The following CLASRP variants were observed in gnomAD, a reference collection of about 807,000 sequenced individuals.
CLASRP encodes the protein CLK4-associating serine/arginine rich protein.
A neutral mutation model predicts 99.9 loss-of-function variants in CLASRP; 52 were observed. The observed-to-expected ratio is 0.52, with a 90% CI of 0.42 to 0.66. CLASRP has a LOEUF of 0.66. Ranked by LOEUF, CLASRP falls within the 30% of genes least tolerant of loss-of-function variation. The pLI, the probability that CLASRP is intolerant of heterozygous loss-of-function variation, is 0.00. For missense variants in CLASRP, 848 were observed against 999.2 expected (o/e 0.85, Z 2.04); for synonymous variants, 379 against 373.0 (o/e 1.02, Z -0.18).
At position 45,070,927 on chromosome 19, in the gene CLASRP, A is replaced by T. The variant is rs73051206; in HGVS notation, c.*82A>T. The T allele has an allele frequency of 3.7e-3, 3,294 of 885,324 alleles. 24 individuals carry two copies. Among genetic ancestry groups the T allele is most frequent in the Middle Eastern group, 0.035 (148 of 4,284 alleles). 54.8% of individuals were successfully genotyped at this position (885,324 alleles called of 1,614,324 possible). ...TGCTGCTGGTTTTATCTCTAGTGAA[A>T]TAAAGTCAAAAGTTATTTAATTCCC... On this transcript the variant is annotated 3_prime_UTR_variant, in exon 21 of 21. Coordinates refer to ENST00000221455, the MANE Select transcript of CLASRP (RefSeq NM_007056.3).
Position 45,070,933 on chromosome 19 carries a change from T to G in CLASRP, c.*88T>G. 1 of 844,308 alleles carries G rather than the reference T, an allele frequency of 1.2e-6. No individual in the cohort carries two copies. Among genetic ancestry groups the G allele is most frequent in the Non-Finnish European group, 1.9e-6 (1 of 529,120 alleles). The allele number at this position is 844,308 out of a possible 1,614,324, so 52.3% of individuals were successfully genotyped here. A position where few individuals can be genotyped will look rare whatever the true frequency, so the allele number is the denominator to read the frequency against. ...TGGTTTTATCTCTAGTGAAATAAAG[T>G]CAAAAGTTATTTAATTCCCGTCACC... On this transcript the variant is annotated 3_prime_UTR_variant, in exon 21 of 21. Coordinates refer to ENST00000221455, the MANE Select transcript of CLASRP (RefSeq NM_007056.3).
Position 45,067,203 on chromosome 19 carries a change from G to A in CLASRP, c.1410-134G>A, listed in dbSNP as rs1282078714. The A allele has an allele frequency of 6.7e-6, 7 of 1,041,928 alleles. No homozygotes were observed. In the East Asian group the frequency reaches 1.1e-4, roughly 16 times the overall value. 64.5% of individuals were successfully genotyped at this position (1,041,928 alleles called of 1,614,324 possible). ...CGCTCTGGGACATTTTGGAGGGAGAGTAGCAGGAGAGGAGAGTCGAGCCTG... is the reference window on the plus strand; with the variant it reads ...CGCTCTGGGACATTTTGGAGGGAGAATAGCAGGAGAGGAGAGTCGAGCCTG... On this transcript the variant is annotated intron_variant, in intron 13 of 20. Coordinates refer to ENST00000221455, the MANE Select transcript of CLASRP (RefSeq NM_007056.3). This position sits in a 1 kb window ranked among gnomAD's most constrained non-coding sequence, Gnocchi z 4.9.
At position 45,070,571 on chromosome 19, in the gene CLASRP, C is replaced by G. The variant is rs759644500; in HGVS notation, c.1982+10C>G. On this transcript the variant is annotated intron_variant, in intron 20 of 20. Coordinates refer to ENST00000221455, the MANE Select transcript of CLASRP (RefSeq NM_007056.3). ...ACAGCTCTTCTCGAAGGTAAGGAAGCCCATGACCCTCCACTTTCTTGGAAG... is the reference window on the plus strand; with the variant it reads ...ACAGCTCTTCTCGAAGGTAAGGAAGGCCATGACCCTCCACTTTCTTGGAAG... 6.2e-7 allele frequency: 1 copy of G among 1,611,890 alleles called. No individual in the cohort carries two copies.
intron 2 of CLASRP, chr19:45,040,552 G>A (rs1490150864): frequency 5.0e-6 from 2 of 396,152 alleles, no homozygotes; most frequent in Non-Finnish European, 4.8e-6. Flanking sequence ...GCAAGAAAAA[G>A]GGAAGTCTCT....
chr19:45,070,952 C>A lies in CLASRP; in HGVS notation c.*107C>A, dbSNP rs991634731. The A allele has an allele frequency of 2.7e-6, 2 of 732,676 alleles. No homozygotes were observed. The highest frequency in any genetic ancestry group is 2.7e-5 in the East Asian group (1 of 37,460). The allele number at this position is 732,676 out of a possible 1,614,324, so 45.4% of individuals were successfully genotyped here. A position where few individuals can be genotyped will look rare whatever the true frequency, so the allele number is the denominator to read the frequency against. On this transcript the variant is annotated 3_prime_UTR_variant, in exon 21 of 21. Transcript: ENST00000221455. ...ATAAAGTCAAAAGTTATTTAATTCCCGTCACCTGTCTCAGTGTCATCTGTG... is the reference window on the plus strand; with the variant it reads ...ATAAAGTCAAAAGTTATTTAATTCCAGTCACCTGTCTCAGTGTCATCTGTG...
Position 45,065,489 on chromosome 19 carries a change from A to G in CLASRP, c.1409+859A>G, listed in dbSNP as rs573102891. ...GGCACGAGAATCGTTTCAGCCCCGCAGGCGGAGGTTGCAGTGAGCCGAGAT... is the reference window on the plus strand; with the variant it reads ...GGCACGAGAATCGTTTCAGCCCCGCGGGCGGAGGTTGCAGTGAGCCGAGAT... On this transcript the variant is annotated intron_variant, in intron 13 of 20. Transcript: ENST00000221455. 2.0e-5 allele frequency among the ~76,000 whole-genome samples: 3 copies of G among 150,800 alleles called. No homozygotes were observed. The South Asian group carries it at 6.4e-4, about 32-fold the overall frequency.
At chr19:45,068,999 A>G in intron 16 of CLASRP, 67 bp from the exon 17 acceptor site, 5 of 1,441,904 alleles carry the variant, frequency 3.5e-6, no homozygotes, top group Admixed American at 2.0e-5. Context: ...CAAAAAAAAA[A>G]AAAAAGAAAA....
At chr19:45,070,695 C>T in intron 20 of CLASRP, 108 bp from the exon 21 acceptor site, 2 of 1,303,656 alleles carry the variant, frequency 1.5e-6, no homozygotes, top group Non-Finnish European at 2.2e-6. Context: ...CCTTGGGGAA[C>T]ATCCTTCCCT....
chr19:45,039,351 C>T (rs570876956), intron 1 of CLASRP, among the ~76,000 whole-genome samples: 9 of 150,652 alleles, frequency 6.0e-5, no homozygotes, highest in Non-Finnish European at 1.3e-4. Context: ...GCCCCGCCCC[C>T]TTGTCAAAAA....
At chr19:45,061,193 A>C (rs573435310) in intron 10 of CLASRP, among the ~76,000 whole-genome samples, 1 of 152,222 alleles carries the variant, frequency 6.6e-6, no homozygotes, top group Non-Finnish European at 1.5e-5. Flanking sequence ...TTTTTGCCAC[A>C]TCTCTTAAAG....
At chr19:45,058,484 CA>C (rs1972164116) in intron 7 of CLASRP, among the ~76,000 whole-genome samples, 1 of 152,112 alleles carries the variant, frequency 6.6e-6, no homozygotes, top group African/African-American at 2.4e-5. Context: ...CTCCTGGGTT[CA>C]AGTGATTCTC....
In CLASRP at chr19:45,060,548, C is replaced by T. The variant is rs1966916590; in HGVS notation, c.790-6C>T. On this transcript the variant is annotated splice_region_variant and splice_polypyrimidine_tract_variant and intron_variant, in intron 9 of 20. Coordinates refer to ENST00000221455, the MANE Select transcript of CLASRP (RefSeq NM_007056.3). This position sits in a 1 kb window ranked among gnomAD's most constrained non-coding sequence, Gnocchi z 4.6. ...CCTCACCAACCTGGCACCCACCCTA[C>T]TCCAGGGACGCCGCTCTCGACGCCA... 4.3e-6 allele frequency: 7 copies of T among 1,613,768 alleles called. No homozygotes were observed. Among genetic ancestry groups the T allele is most frequent in the Non-Finnish European group, 5.9e-6 (7 of 1,179,786 alleles).
Position 45,070,879 on chromosome 19 carries a change from T to C in CLASRP, c.*34T>C. 3.9e-6 allele frequency: 3 copies of C among 777,112 alleles called. No individual in the cohort carries two copies. Among genetic ancestry groups the C allele is most frequent in the Non-Finnish European group, 4.2e-6 (2 of 476,070 alleles). The allele number at this position is 777,112 out of a possible 1,614,324, so 48.1% of individuals were successfully genotyped here. On this transcript the variant is annotated 3_prime_UTR_variant, in exon 21 of 21. Transcript: ENST00000221455. The stretch of plus-strand genomic sequence containing the variant: ...GTGGGGGGTGGGGAGGACAAGGGGG[T>C]GGGTAAGGGGCTCAAGCTGTGATGC...
chr19:45,047,229 C>T (rs117106519), intron 2 of CLASRP, among the ~76,000 whole-genome samples: 2,510 of 152,076 alleles, frequency 0.017, 27 homozygotes, highest in Middle Eastern at 0.031. Flanking sequence ...GCTACAATAT[C>T]GATGAGCCCT....
chr19:45,059,727 C>CT (rs1966897595), intron 8 of CLASRP, among the ~76,000 whole-genome samples: 2 of 152,232 alleles, frequency 1.3e-5, no homozygotes, highest in African/African-American at 4.8e-5. Context: ...GCCACACCCC[C>CT]TGCTGAGCTC....
At position 45,056,512 on chromosome 19, in the gene CLASRP, C is replaced by T; in HGVS notation, c.442C>T (p.Pro148Ser). The change falls in exon 6 of 21, where the codon CCC becomes TCC. Residue 148 changes from proline to serine, a missense_variant. This residue lies in a region of CLASRP where 13 missense variants were observed against 41.2 expected (regional missense o/e 0.32). Transcript: ENST00000221455. ...IDELYGGLQR[P>S]SEDEKKKLAE... ...TGAGTTGTACGGAGGCCTCCAGAGA[C>T]CCAGCGAAGATGAGAAGAAGAAGTG... 6.2e-7 allele frequency: 1 copy of T among 1,613,876 alleles called. No individual in the cohort carries two copies. Among genetic ancestry groups the T allele is most frequent in the Non-Finnish European group, 8.5e-7 (1 of 1,179,960 alleles).
chr19:45,061,571 C>A (rs1048816839), intron 10 of CLASRP, among the ~76,000 whole-genome samples: 1 of 152,068 alleles, frequency 6.6e-6, no homozygotes, highest in Non-Finnish European at 1.5e-5. Context: ...TAGGCTTAGG[C>A]GATCCTCCTA....
Position 45,052,111 on chromosome 19 carries a change from C to G in CLASRP, c.140C>G (p.Ala47Gly). ...CAGTTCCTGCAGGTACATGGCCGAG[C>G]TTGCAAGGTGCACCTGGATTCTGCA... ...PAQFLQVHGR[A>G]CKVHLDSAVA... Residue 47 changes from alanine to glycine, a missense_variant, in exon 3 of 21, where the codon GCT (alanine) becomes GGT (glycine). Around this residue, in one of 8 missense-constraint regions of CLASRP, gnomAD observed 46 missense variants for 96.8 expected, o/e 0.48. Coordinates refer to ENST00000221455, the MANE Select transcript of CLASRP (RefSeq NM_007056.3). 6.2e-7 allele frequency: 1 copy of G among 1,614,066 alleles called. No individual in the cohort carries two copies. The highest frequency in any genetic ancestry group is 8.5e-7 in the Non-Finnish European group (1 of 1,180,022).
At position 45,055,188 on chromosome 19, in the gene CLASRP, A is replaced by G. The variant is rs140039130; in HGVS notation, c.380-1262A>G. 1.2e-3 allele frequency among the ~76,000 whole-genome samples: 180 copies of G among 152,322 alleles called. 1 individual carries two copies. Among genetic ancestry groups the G allele is most frequent in the Non-Finnish European group, 1.9e-3 (132 of 68,028 alleles). On this transcript the variant is annotated intron_variant, in intron 5 of 20. Coordinates refer to ENST00000221455, the MANE Select transcript of CLASRP (RefSeq NM_007056.3). ...TCCATAATCAATGTCAGTGATGCCA[A>G]TTGCAAACCAAGGTGATGTGACAGA...
Sources: gnomAD v4.1 joint callset for allele counts (sites outside exome capture counted in the v4.1 genomes callset) on GRCh38, gnomAD v4.1.1 for gene constraint, gnomAD v4.1.1 regional missense constraint, Gnocchi (gnomAD v3.1) non-coding constraint, MANE v1.5 for transcripts, NCBI Gene and HGNC (gene_info 2026-07-23, HGNC 2026-07-21) for gene names.